Variants in ADRA1A observed in about 807,000 individuals in gnomAD.
The protein encoded by ADRA1A is alpha-1A adrenergic receptor.
In ADRA1A, 31 loss-of-function variants were observed where a neutral mutation model predicts 29.6. The observed-to-expected ratio is 1.05, with a 90% CI of 0.79 to 1.41. ADRA1A has a LOEUF of 1.41. ADRA1A is among the 40% of genes most tolerant of loss of function. ADRA1A has a pLI of 0.00. For synonymous variants in ADRA1A, 311 were observed against 254.3 expected, an observed-to-expected ratio of 1.22 and a Z score of -2.12; for missense variants, 619 against 601.1, an observed-to-expected ratio of 1.03 and a Z score of -0.31.
chr8:26,764,068 G>A (rs1188074464), downstream of ADRA1A, among the ~76,000 whole-genome samples: 1 of 152,168 alleles, frequency 6.6e-6, no homozygotes, highest in East Asian at 1.9e-4. Flanking sequence ...TATCCAGCTT[G>A]TAAGCTGGGG....
intron 2 of ADRA1A, chr8:26,854,425 G>GGT (rs1812859898): frequency 7.9e-6 from 1 of 127,006 alleles, no homozygotes; most frequent in East Asian, 2.5e-4. Flanking sequence ...AAGCGGGGCG[G>GGT]GGGGGGGGAG....
intron 2 of ADRA1A, chr8:26,853,877 A>G (rs749016212): frequency 6.6e-6 from 1 of 152,266 alleles, no homozygotes; most frequent in African/African-American, 2.4e-5. Flanking sequence ...TGCAAAAACC[A>G]TAAAACAACA....
At chr8:26,850,085 G>A (rs1812515726) in intron 2 of ADRA1A, among the ~76,000 whole-genome samples, 1 of 149,472 alleles carries the variant, frequency 6.7e-6, no homozygotes, top group African/African-American at 2.5e-5. Flanking sequence ...GAAATTCCAA[G>A]AGGAAGATCA....
At chr8:26,766,080 G>C (rs771028635), downstream of ADRA1A, 1 of 1,613,706 alleles carries the variant, frequency 6.2e-7, no homozygotes, top group Non-Finnish European at 8.5e-7. Flanking sequence ...CTCCACGGTG[G>C]CATCATAAAA....
At position 26,831,358 on chromosome 8, in the gene ADRA1A, T is replaced by C. The variant is rs1810960420; in HGVS notation, c.883+32729A>G. 6.6e-6 allele frequency among the ~76,000 whole-genome samples: 1 copy of C among 152,080 alleles called. No individual in the cohort carries two copies. Among genetic ancestry groups the C allele is most frequent in the Non-Finnish European group, 1.5e-5 (1 of 67,998 alleles). On this transcript the variant is annotated intron_variant, in intron 2 of 2. Transcript: ENST00000380573. This position sits in a 1 kb window ranked among gnomAD's most constrained non-coding sequence, Gnocchi z 5.2. ...GTAAGGGGAGAAGAGATGCCAATGA[T>C]GACGAGGCAGAGAGAGAGAGAGAAG...
chr8:26,798,102 C>T (rs1197924951), intron 2 of ADRA1A, among the ~76,000 whole-genome samples: 2 of 152,212 alleles, frequency 1.3e-5, no homozygotes. Context: ...CCTCAGCCTC[C>T]TGAGTAGCTG....
chr8:26,779,222 C>G, intron 2 of ADRA1A: 1 of 679,542 alleles, frequency 1.5e-6, no homozygotes, highest in Admixed American at 2.1e-5. Context: ...ATTAACAGTT[C>G]CTGCCAGAAG....
rs572632774 is a variant in ADRA1A at position 26,859,019 on chromosome 8, A to G, written c.883+5068T>C. The G allele has an allele frequency of 2.9e-5, 35 of 1,219,572 alleles. No homozygotes were observed. In the East Asian group the frequency reaches 2.9e-4, roughly 10 times the overall value. The allele number at this position is 1,219,572 out of a possible 1,614,324, so 75.5% of individuals were successfully genotyped here. ...ATACAGGAAGGACCTTTGCAGTCAAATAGCCTACTCACCTGATTTTCCTGG... is the reference window on the plus strand; with the variant it reads ...ATACAGGAAGGACCTTTGCAGTCAAGTAGCCTACTCACCTGATTTTCCTGG... On this transcript the variant is annotated intron_variant, in intron 2 of 2. Coordinates refer to ENST00000380573, the MANE Select transcript of ADRA1A (RefSeq NM_000680.4).
intron 2 of ADRA1A, among the ~76,000 whole-genome samples, chr8:26,850,268 C>T (rs80033897): frequency 0.11 from 17,160 of 151,964 alleles, 1,077 homozygotes; most frequent in Admixed American, 0.15. Flanking sequence ...AAAATAAATA[C>T]ACAAAGAGAG....
chr8:26,836,287 C>G (rs1811354396), intron 2 of ADRA1A: 1 of 173,624 alleles, frequency 5.8e-6, no homozygotes, highest in South Asian at 1.6e-4. Flanking sequence ...GTGTGACCCT[C>G]AGCAAAGACA....
At chr8:26,764,740 C>T (rs545806640), downstream of ADRA1A, among the ~76,000 whole-genome samples, 7 of 152,300 alleles carry the variant, frequency 4.6e-5, no homozygotes, top group Admixed American at 2.6e-4. Flanking sequence ...GCTATATAAA[C>T]GGACAGAAAT....
In ADRA1A at chr8:26,831,523, G is replaced by A. The variant is rs1451397592; in HGVS notation, c.883+32564C>T. ...TGATCATGGCCAGTTTGGAAAGGGT[G>A]TAGAGGTCACGGAAGTGTCAGGTCA... is the stretch of plus-strand genomic sequence containing the variant. On this transcript the variant is annotated intron_variant, in intron 2 of 2. Coordinates refer to ENST00000380573, the MANE Select transcript of ADRA1A (RefSeq NM_000680.4). The surrounding 1 kb of genome is among the most constrained non-coding windows in gnomAD (Gnocchi z 5.2). 6.6e-6 allele frequency among the ~76,000 whole-genome samples: 1 copy of A among 152,220 alleles called. No individual in the cohort carries two copies. The highest frequency in any genetic ancestry group is 2.4e-5 in the African/African-American group (1 of 41,452).
intron 2 of ADRA1A, among the ~76,000 whole-genome samples, chr8:26,847,048 A>C (rs957735103): frequency 6.6e-6 from 1 of 152,096 alleles, no homozygotes; most frequent in African/African-American, 2.4e-5. Flanking sequence ...GAAGGGGAAC[A>C]TCACACTCTG....
At chr8:26,791,777 C>T (rs1185573202) in intron 2 of ADRA1A, among the ~76,000 whole-genome samples, 1 of 151,980 alleles carries the variant, frequency 6.6e-6, no homozygotes, top group Non-Finnish European at 1.5e-5. Context: ...GATGTTCTTC[C>T]CTTGGGTTTG....
intron 2 of ADRA1A, among the ~76,000 whole-genome samples, chr8:26,840,921 G>C (rs1370453208): frequency 6.6e-6 from 1 of 152,202 alleles, no homozygotes; most frequent in Non-Finnish European, 1.5e-5. Flanking sequence ...ACAGCCTTAT[G>C]TGGGCATGAT....
intron 2 of ADRA1A, among the ~76,000 whole-genome samples, chr8:26,798,117 T>G (rs1400647658): frequency 6.6e-6 from 1 of 152,206 alleles, no homozygotes; most frequent in East Asian, 1.9e-4. Context: ...TAGCTGGGAT[T>G]ACAGGTGCTT....
intron 2 of ADRA1A, among the ~76,000 whole-genome samples, chr8:26,850,680 C>T (rs935800309): frequency 2.0e-5 from 3 of 152,066 alleles, no homozygotes; most frequent in African/African-American, 4.8e-5. Context: ...TTAATAGAGA[C>T]GGGGTTTCAC....
At chr8:26,763,049 AAAG>A (rs1805591554), downstream of ADRA1A, among the ~76,000 whole-genome samples, 3 of 152,174 alleles carry the variant, frequency 2.0e-5, no homozygotes. This position sits in a 1 kb window ranked among gnomAD's most constrained non-coding sequence, Gnocchi z 4.5. Context: ...AAAAATAAGA[AAAG>A]AAGGAAGAAG....
downstream of ADRA1A, among the ~76,000 whole-genome samples, chr8:26,752,596 G>A (rs567880091): frequency 2.0e-5 from 3 of 152,284 alleles, no homozygotes; most frequent in African/African-American, 7.2e-5. Flanking sequence ...TTTTGGGGCT[G>A]CTTTTTATTA....
Sources: allele counts gnomAD v4.1 joint callset (sites outside exome capture counted in the v4.1 genomes callset), GRCh38; gene constraint gnomAD v4.1.1; non-coding constraint Gnocchi (gnomAD v3.1); transcripts MANE v1.5; gene names NCBI Gene and HGNC (gene_info 2026-07-23, HGNC 2026-07-21).